The following CDH26 variants were observed in gnomAD, a reference collection of about 807,000 sequenced individuals.
CDH26 encodes the protein cadherin 26.
CDH26 carries 83 observed loss-of-function variants against 90.3 expected under a neutral mutation model. That is an observed-to-expected ratio of 0.92 (90% CI 0.77 to 1.10). The LOEUF (loss-of-function observed/expected upper bound fraction) is 1.10. CDH26 is among the 50% of genes least tolerant of loss of function. The pLI, the probability that CDH26 is intolerant of heterozygous loss-of-function variation, is 0.00. For missense variants in CDH26, 1,013 were observed against 1,037.6 expected (o/e 0.98, Z 0.33); for synonymous variants, 397 against 396.3 (o/e 1.00, Z -0.02).
intron 16 of CDH26, among the ~76,000 whole-genome samples, chr20:60,006,284 C>G (rs2061748831): frequency 6.6e-6 from 1 of 152,188 alleles, no homozygotes; most frequent in Non-Finnish European, 1.5e-5. Flanking sequence ...CACAGAGACC[C>G]AGATCCACAG....
At chr20:60,023,364 T>G (rs1412250375) in intron 7 of CDH26, among the ~76,000 whole-genome samples, 1 of 152,206 alleles carries the variant, frequency 6.6e-6, no homozygotes, top group African/African-American at 2.4e-5. Context: ...GAGCTACAAG[T>G]AGCAGAACCG....
At chr20:59,982,835 G>A (rs1010788892) in intron 4 of CDH26, 88 bp from the exon 5 acceptor site, 52 of 1,467,978 alleles carry the variant, frequency 3.5e-5, no homozygotes, top group African/African-American at 2.0e-4. Context: ...GGAGACAGAC[G>A]TAACACATAA....
At position 59,988,930 on chromosome 20, in the gene CDH26, G is replaced by T. The variant is rs373864822; in HGVS notation, c.1050G>T (p.Ala350=). The T allele has an allele frequency of 1.2e-6, 2 of 1,614,138 alleles. No homozygotes were observed. The highest frequency in any genetic ancestry group is 1.7e-6 in the Non-Finnish European group (2 of 1,180,036). Residue 350 remains alanine, a synonymous_variant, in exon 9 of 18, where the codon GCG becomes GCT. Coordinates refer to ENST00000348616, the MANE Select transcript of CDH26 (RefSeq NM_177980.4). ...CTTTGGATTATGAGACTCGCCCAGC[G>T]CAAAGCCTCATCATTGTCGTGGAGA... The part of the protein sequence containing the change: ...IKPLDYETRP[A]QSLIIVVENE...
chr20:60,023,964 A>G (rs756497538), intron 7 of CDH26, among the ~76,000 whole-genome samples: 8 of 119,566 alleles, frequency 6.7e-5, no homozygotes, highest in African/African-American at 9.1e-5. Flanking sequence ...ACAGAGGGAG[A>G]GAGAGAGAGA....
chr20:60,002,893 G>T, intron 16 of CDH26, 27 bp downstream of exon 16: 1 of 1,488,014 alleles, frequency 6.7e-7, no homozygotes, highest in South Asian at 1.4e-5. Context: ...GTGTTACCGT[G>T]AACAAATTTA....
chr20:60,000,233 A>C (rs1441373449), intron 14 of CDH26, among the ~76,000 whole-genome samples: 1 of 152,236 alleles, frequency 6.6e-6, no homozygotes, highest in Non-Finnish European at 1.5e-5. Flanking sequence ...GGATGTCATA[A>C]GGGTGTGGAA....
intron 5 of CDH26, 40 bp from the exon 6 acceptor site, chr20:59,984,599 C>A (rs1474909): frequency 0.088 from 137,946 of 1,564,042 alleles, 7,060 homozygotes; most frequent in Middle Eastern, 0.15. Context: ...TGATAGGCTA[C>A]CTTTATCTGA....
chr20:59,995,548 G>A (rs194997), intron 11 of CDH26, among the ~76,000 whole-genome samples: 148,597 of 152,332 alleles, frequency 0.98, 72,644 homozygotes, highest in Middle Eastern at 1. Flanking sequence ...TGTGATTTAC[G>A]TCTGTATCTT....
chr20:60,028,622 G>C (rs1380887637), intron 7 of CDH26, among the ~76,000 whole-genome samples: 1 of 152,188 alleles, frequency 6.6e-6, no homozygotes, highest in Non-Finnish European at 1.5e-5. Context: ...GCAACAGCTG[G>C]GAGGCAGGGC....
In CDH26 at chr20:60,030,178, T is replaced by A. The variant is rs1238729803; in HGVS notation, c.948-1053T>A. Among the ~76,000 whole-genome samples the A allele has an allele frequency of 2.6e-5, 4 of 152,084 alleles. No individual in the cohort carries two copies. The highest frequency in any genetic ancestry group is 5.9e-5 in the Non-Finnish European group (4 of 68,016). ...ATAGTATACCATCACCAGAATCAAGTTTTGTGGAGCTCTGCTACCTTTTTG... is the reference window on the plus strand; with the variant it reads ...ATAGTATACCATCACCAGAATCAAGATTTGTGGAGCTCTGCTACCTTTTTG... On this transcript the variant is annotated intron_variant, in intron 7 of 8. Coordinates refer to the CDH26 transcript ENST00000370991. This position sits in a 1 kb window ranked among gnomAD's most constrained non-coding sequence, Gnocchi z 4.0.
intron 3 of CDH26, among the ~76,000 whole-genome samples, chr20:59,971,111 G>A (rs2061256010): frequency 6.6e-6 from 1 of 152,118 alleles, no homozygotes; most frequent in Non-Finnish European, 1.5e-5. Context: ...TAGTACCAAT[G>A]GGCCTTTGAA....
intron 17 of CDH26, among the ~76,000 whole-genome samples, chr20:60,010,114 T>C (rs2061811244): frequency 6.8e-6 from 1 of 146,444 alleles, no homozygotes; most frequent in Admixed American, 6.7e-5. Flanking sequence ...CATTTCCCAC[T>C]AAACAAGGGC....
At chr20:60,021,776 TA>T (rs1179353167) in intron 7 of CDH26, among the ~76,000 whole-genome samples, 3 of 151,116 alleles carry the variant, frequency 2.0e-5, no homozygotes, top group Non-Finnish European at 4.4e-5. Context: ...GTTTTATAGA[TA>T]TTTAGTTAGA....
At chr20:59,999,959 G>T (rs1326233920) in intron 14 of CDH26, among the ~76,000 whole-genome samples, 1 of 152,158 alleles carries the variant, frequency 6.6e-6, no homozygotes, top group Non-Finnish European at 1.5e-5. Flanking sequence ...ATGGCACTTG[G>T]ACTAGTGTAT....
At chr20:59,972,993 C>G (rs1193597485) in intron 4 of CDH26, among the ~76,000 whole-genome samples, 2 of 152,206 alleles carry the variant, frequency 1.3e-5, no homozygotes, top group Non-Finnish European at 2.9e-5. Context: ...AGATGACTCT[C>G]TAGGTCTTCC....
chr20:59,968,655 C>T (rs2061209774), intron 1 of CDH26, among the ~76,000 whole-genome samples: 1 of 152,148 alleles, frequency 6.6e-6, no homozygotes, highest in Non-Finnish European at 1.5e-5. Flanking sequence ...ATAAATACAG[C>T]TGTGCTCATC....
Position 59,996,045 on chromosome 20 carries a change from G to T in CDH26, c.1879G>T (p.Ala627Ser). The change falls in exon 12 of 18, where the codon GCT becomes TCT. Residue 627 changes from alanine to serine, a missense_variant. Physicochemically the swap from Ala to Ser is moderately conservative, Grantham distance 99. Coordinates refer to ENST00000348616, the MANE Select transcript of CDH26 (RefSeq NM_177980.4). ...ALFPVCAAFV[A>S]LAVALLFLLR... ...GTTCCCTGTCTGTGCAGCATTTGTG[G>T]CTCTGGCAGGTCAGTGGTCTGTAGG... 1 of 1,612,718 alleles carries T rather than the reference G, an allele frequency of 6.2e-7. No homozygotes were observed.
chr20:59,959,219 G>T (rs2061036055), intron 1 of CDH26, among the ~76,000 whole-genome samples: 1 of 152,050 alleles, frequency 6.6e-6, no homozygotes, highest in Non-Finnish European at 1.5e-5. Context: ...TTCCACCTCA[G>T]CCTCAAGAGT....
At chr20:60,007,377 G>A (rs527801724) in intron 17 of CDH26, among the ~76,000 whole-genome samples, 1 of 152,298 alleles carries the variant, frequency 6.6e-6, no homozygotes, top group South Asian at 2.1e-4. Context: ...GAGGGTTTTG[G>A]GAAATAATTC....
Sources: gnomAD v4.1 joint callset for allele counts (sites outside exome capture counted in the v4.1 genomes callset) on GRCh38, gnomAD v4.1.1 for gene constraint, Gnocchi (gnomAD v3.1) non-coding constraint, MANE v1.5 for transcripts, NCBI Gene and HGNC (gene_info 2026-07-23, HGNC 2026-07-21) for gene names.